The following GLUD1 variants were observed in gnomAD, a reference collection of about 807,000 sequenced individuals.
GLUD1 encodes the protein glutamate dehydrogenase 1.
GLUD1 carries 22 observed loss-of-function variants against 56.0 expected under a neutral mutation model. The observed-to-expected ratio is 0.39, with a 90% CI of 0.28 to 0.56. The LOEUF is 0.56. GLUD1 is among the 20% of genes least tolerant of loss of function. GLUD1 has a pLI of 0.58. For missense variants in GLUD1, 451 were observed against 732.0 expected, an observed-to-expected ratio of 0.62 and a Z score of 4.43; for synonymous variants, 223 against 269.9, an observed-to-expected ratio of 0.83 and a Z score of 1.70.
intron 12 of GLUD1, among the ~76,000 whole-genome samples, chr10:87,052,138 T>G (rs1326872997): frequency 6.6e-6 from 1 of 152,118 alleles, no homozygotes; most frequent in Non-Finnish European, 1.5e-5. Context: ...TCACTTGAGC[T>G]CAGGAGTTCA....
rs1215622602 is a variant in GLUD1 at position 87,082,097 on chromosome 10, T to A, written c.446-5441A>T. Among the ~76,000 whole-genome samples, 13 of 152,358 alleles carry A rather than the reference T, an allele frequency of 8.5e-5. No homozygotes were observed. In the East Asian group the frequency reaches 1.3e-3, roughly 16 times the overall value. The stretch of plus-strand genomic sequence containing the variant: ...TTCTTAAGTGGAGGAAATGTTACTT[T>A]CTTTTAACTTAGAAACTTAAAAATT... On this transcript the variant is annotated intron_variant, in intron 1 of 12. Transcript: ENST00000277865.
intron 1 of GLUD1, chr10:87,089,512 G>T: frequency 5.3e-6 from 3 of 561,584 alleles, no homozygotes; most frequent in Non-Finnish European, 6.8e-6. Flanking sequence ...TTAATAAAAT[G>T]CCTGGCACAC....
Position 87,060,961 on chromosome 10 carries a change from C to G in GLUD1, c.1013G>C (p.Trp338Ser), listed in dbSNP as rs1195594363. Reference sequence around the variant, plus strand: ...CTTTGGGTCAATACCATCTGGATTCCATATACTCCCATCAGACTCACCAAC... The same window carrying G: ...CTTTGGGTCAATACCATCTGGATTCGATATACTCCCATCAGACTCACCAAC... ...IAVGESDGSIWNPDGIDPKEL... is the reference protein window; with the variant it reads ...IAVGESDGSISNPDGIDPKEL... Residue 338 changes from tryptophan (W) to serine (S), a missense_variant, in exon 7 of 13, where the codon TGG (tryptophan) becomes TCG (serine). Trp to Ser is a radical substitution (Grantham distance 177). This residue lies in a region of GLUD1 where 248 missense variants were observed against 460.0 expected (regional missense o/e 0.54). Transcript: ENST00000277865. 13 of 1,613,942 alleles carry G rather than the reference C, an allele frequency of 8.1e-6. No homozygotes were observed. Among genetic ancestry groups the G allele is most frequent in the Admixed American group, 1.7e-5 (1 of 59,988 alleles).
intron 4 of GLUD1, among the ~76,000 whole-genome samples, chr10:87,073,817 T>C (rs1442275251): frequency 2.0e-5 from 3 of 151,778 alleles, no homozygotes; most frequent in Non-Finnish European, 2.9e-5. Context: ...ATGGGATTCC[T>C]ACTAAACCCC....
Position 87,094,124 on chromosome 10 carries a change from C to T in GLUD1, c.445+201G>A, listed in dbSNP as rs1841637883. Reference sequence around the variant, plus strand: ...GTGACGGCGCGGGGGAGGGGGCAGGCCAATCGCATGATGATTTTAAGGCGG... The same window carrying T: ...GTGACGGCGCGGGGGAGGGGGCAGGTCAATCGCATGATGATTTTAAGGCGG... On this transcript the variant is annotated intron_variant, in intron 1 of 12. Coordinates refer to ENST00000277865, the MANE Select transcript of GLUD1 (RefSeq NM_005271.5). The surrounding 1 kb of genome is among the most constrained non-coding windows in gnomAD (Gnocchi z 6.6). The T allele has an allele frequency of 6.8e-7, 1 of 1,470,438 alleles. No individual in the cohort carries two copies. Among genetic ancestry groups the T allele is most frequent in the Non-Finnish European group, 9.0e-7 (1 of 1,108,334 alleles). The allele number at this position is 1,470,438 out of a possible 1,614,324, so 91.1% of individuals were successfully genotyped here.
chr10:87,072,122 A>T (rs1162208193), intron 4 of GLUD1, among the ~76,000 whole-genome samples: 3 of 152,172 alleles, frequency 2.0e-5, no homozygotes, highest in Non-Finnish European at 4.4e-5. Flanking sequence ...AAAATTAAAA[A>T]ATTAGCTAGG....
At chr10:87,078,501 C>T (rs184233144) in intron 1 of GLUD1, among the ~76,000 whole-genome samples, 38 of 152,298 alleles carry the variant, frequency 2.5e-4, no homozygotes, top group Admixed American at 7.8e-4. Context: ...GTTAGCACCA[C>T]GAGGGCAGAC....
At chr10:87,062,258 C>A (rs1845957371) in intron 6 of GLUD1, among the ~76,000 whole-genome samples, 1 of 152,226 alleles carries the variant, frequency 6.6e-6, no homozygotes, top group Non-Finnish European at 1.5e-5. Flanking sequence ...AATTAAGATT[C>A]TCCTAAGTAA....
intron 1 of GLUD1, among the ~76,000 whole-genome samples, chr10:87,088,540 GAAA>G (rs568948285): frequency 2.7e-5 from 4 of 147,670 alleles, no homozygotes; most frequent in East Asian, 2.0e-4. Context: ...TGGCATAAAA[GAAA>G]AAAAAAATTC....
chr10:87,093,713 C>CT (rs972787659), intron 1 of GLUD1, among the ~76,000 whole-genome samples: 19 of 151,910 alleles, frequency 1.3e-4, no homozygotes, highest in Admixed American at 2.6e-4. Context: ...TGTGTTTTTC[C>CT]TTTTTTTTGG....
intron 12 of GLUD1, among the ~76,000 whole-genome samples, chr10:87,052,695 A>AAAAG (rs1845670098): frequency 2.0e-5 from 3 of 148,330 alleles, no homozygotes; most frequent in African/African-American, 5.0e-5. Flanking sequence ...AAAAAAAAAA[A>AAAAG]GGGAGTGATG....
At chr10:87,067,508 G>A (rs532067609) in intron 5 of GLUD1, among the ~76,000 whole-genome samples, 2 of 152,348 alleles carry the variant, frequency 1.3e-5, no homozygotes, top group East Asian at 1.9e-4. Flanking sequence ...TTATGGGAAT[G>A]AGCCACTGCA....
intron 1 of GLUD1, among the ~76,000 whole-genome samples, chr10:87,081,133 CGCCCCT>C (rs1841234789): frequency 4.1e-5 from 6 of 144,872 alleles, no homozygotes; most frequent in African/African-American, 1.5e-4. Context: ...TCTGCCCGGC[CGCCCCT>C]ACTGGGAAGT....
chr10:87,082,716 T>C (rs950192529), intron 1 of GLUD1, among the ~76,000 whole-genome samples: 3 of 152,228 alleles, frequency 2.0e-5, no homozygotes, highest in African/African-American at 4.8e-5. Flanking sequence ...TATTGAGTAC[T>C]GGGCTACCTA....
In GLUD1 at chr10:87,094,010, C is replaced by A. The variant is rs1168711375; in HGVS notation, c.445+315G>T. ...TCCTAGAAGTGCATTTCGGCAGGACCCGCCGTGTGTGACACAGACACCGGG... is the reference window on the plus strand; with the variant it reads ...TCCTAGAAGTGCATTTCGGCAGGACACGCCGTGTGTGACACAGACACCGGG... On this transcript the variant is annotated intron_variant, in intron 1 of 12. Coordinates refer to ENST00000277865, the MANE Select transcript of GLUD1 (RefSeq NM_005271.5). This position sits in a 1 kb window ranked among gnomAD's most constrained non-coding sequence, Gnocchi z 6.6. The A allele has an allele frequency of 6.8e-7, 1 of 1,468,146 alleles. No homozygotes were observed. Among genetic ancestry groups the A allele is most frequent in the Non-Finnish European group, 9.1e-7 (1 of 1,103,536 alleles). The allele number at this position is 1,468,146 out of a possible 1,614,324, so 90.9% of individuals were successfully genotyped here.
intron 1 of GLUD1, among the ~76,000 whole-genome samples, chr10:87,085,420 A>C (rs552058810): frequency 9.0e-4 from 137 of 152,132 alleles, no homozygotes; most frequent in Non-Finnish European, 1.6e-3. Flanking sequence ...GTTTTGTATA[A>C]AGTAGGCAAA....
Position 87,051,000 on chromosome 10 carries a change from G to A in GLUD1, c.*751C>T. ...TGAAAATAGCCTCCACCATTTTGCA[G>A]GTATGAAGATAACTTAATTATCCAC... On this transcript the variant is annotated 3_prime_UTR_variant, in exon 13 of 13. Transcript: ENST00000277865. 6.5e-6 allele frequency: 1 copy of A among 154,054 alleles called. No homozygotes were observed. The allele number at this position is 154,054 out of a possible 1,614,324, so 9.5% of individuals were successfully genotyped here.
intron 1 of GLUD1, chr10:87,092,609 G>A (rs1841536286): frequency 2.0e-6 from 2 of 981,010 alleles, no homozygotes; most frequent in Non-Finnish European, 2.4e-6. Flanking sequence ...TTGCTTCAGT[G>A]AGTTTGCGGA....
At chr10:87,075,910 T>C (rs1319172669) in intron 3 of GLUD1, 58 bp downstream of exon 3, 10 of 1,189,370 alleles carry the variant, frequency 8.4e-6, no homozygotes, top group Admixed American at 6.7e-5. Context: ...GAAGACTCTG[T>C]CTCAGAAAAA....
Sources: allele counts gnomAD v4.1 joint callset (sites outside exome capture counted in the v4.1 genomes callset), GRCh38; gene constraint gnomAD v4.1.1; regional missense constraint gnomAD v4.1.1; non-coding constraint Gnocchi (gnomAD v3.1); transcripts MANE v1.5; gene names NCBI Gene and HGNC (gene_info 2026-07-23, HGNC 2026-07-21).